GRB2: variants seen among roughly 807,000 people sequenced by gnomAD.
The protein encoded by GRB2 is growth factor receptor-bound protein 2.
GRB2 carries 2 observed loss-of-function variants against 27.4 expected under a neutral mutation model. The observed-to-expected ratio is 0.07, with a 90% CI of 0.03 to 0.23. The LOEUF (loss-of-function observed/expected upper bound fraction) is 0.23, where lower values mean the gene tolerates loss of function less well. GRB2 is among the 10% of genes least tolerant of loss of function. The pLI is 1.00. For missense variants in GRB2, 102 were observed against 282.4 expected, an observed-to-expected ratio of 0.36 and a Z score of 4.58; for synonymous variants, 94 against 99.6, an observed-to-expected ratio of 0.94 and a Z score of 0.33.
At chr17:75,394,461 TGTGTACCA>T (rs1168581813) in intron 1 of GRB2, 1 of 152,182 alleles carries the variant, frequency 6.6e-6, no homozygotes, top group East Asian at 1.9e-4. Context: ...AGCTCCAAGC[TGTGTACCA>T]GTGGAAATGG....
At chr17:75,326,110 T>C (rs1046628176) in intron 3 of GRB2, 90 bp from the exon 4 acceptor site, 137 of 1,480,674 alleles carry the variant, frequency 9.3e-5, no homozygotes, top group Admixed American at 4.2e-4. Flanking sequence ...ACAACACTCC[T>C]TGCCAGAGGA....
chr17:75,323,297 G>C (rs1280174097), intron 4 of GRB2, among the ~76,000 whole-genome samples: 2 of 151,966 alleles, frequency 1.3e-5, no homozygotes, highest in African/African-American at 4.8e-5. Flanking sequence ...CCTCGCATTT[G>C]GAAAAAATAC....
At chr17:75,402,017 G>A (rs191830038) in intron 1 of GRB2, among the ~76,000 whole-genome samples, 2 of 152,262 alleles carry the variant, frequency 1.3e-5, no homozygotes, top group East Asian at 3.9e-4. Flanking sequence ...TGAAAATATT[G>A]TTACATGGAA....
At chr17:75,371,381 A>T (rs531722718) in intron 2 of GRB2, 1 of 152,300 alleles carries the variant, frequency 6.6e-6, no homozygotes, top group Non-Finnish European at 1.5e-5. Flanking sequence ...ACCAAGCCTG[A>T]ACTCAGGCAG....
intron 2 of GRB2, among the ~76,000 whole-genome samples, chr17:75,337,396 G>GA: frequency 6.8e-6 from 1 of 147,990 alleles, no homozygotes; most frequent in Admixed American, 6.7e-5. Context: ...AAAAAAAAAA[G>GA]AAAGAAAAAG....
At chr17:75,336,146 T>G (rs2078575508) in intron 2 of GRB2, among the ~76,000 whole-genome samples, 1 of 152,228 alleles carries the variant, frequency 6.6e-6, no homozygotes, top group African/African-American at 2.4e-5. Flanking sequence ...AAATGTGGTC[T>G]AATAATGACC....
At chr17:75,345,362 A>T (rs2078648574) in intron 2 of GRB2, among the ~76,000 whole-genome samples, 1 of 152,126 alleles carries the variant, frequency 6.6e-6, no homozygotes, top group East Asian at 1.9e-4. Context: ...GAGTTTATTT[A>T]ATTCCACGTA....
At chr17:75,386,596 T>C (rs2078965230) in intron 2 of GRB2, among the ~76,000 whole-genome samples, 1 of 152,196 alleles carries the variant, frequency 6.6e-6, no homozygotes, top group Admixed American at 6.5e-5. Context: ...TCTTTGGTAA[T>C]CTGACATACA....
intron 2 of GRB2, among the ~76,000 whole-genome samples, chr17:75,353,004 T>C (rs1268590962): frequency 6.6e-6 from 1 of 151,064 alleles, no homozygotes; most frequent in Non-Finnish European, 1.5e-5. Flanking sequence ...GCTAACATAG[T>C]GAAACCCTGT....
intron 1 of GRB2, among the ~76,000 whole-genome samples, chr17:75,394,587 A>G (rs942831637): frequency 6.6e-6 from 1 of 152,218 alleles, no homozygotes; most frequent in Non-Finnish European, 1.5e-5. Flanking sequence ...CTCCAGAAAT[A>G]GCTCCACATT....
At chr17:75,384,972 G>T (rs934853702) in intron 2 of GRB2, among the ~76,000 whole-genome samples, 1 of 126,100 alleles carries the variant, frequency 7.9e-6, no homozygotes, top group Non-Finnish European at 1.6e-5. Flanking sequence ...CAGGCGGATC[G>T]CTTGAGCCCA....
At chr17:75,326,175 T>G in intron 3 of GRB2, 155 bp from the exon 4 acceptor site, 1 of 804,584 alleles carries the variant, frequency 1.2e-6, no homozygotes, top group Non-Finnish European at 2.0e-6. Context: ...GACACTGGGT[T>G]GGGTCCCCAG....
chr17:75,385,059 G>GCAAA (rs199796625), intron 2 of GRB2, among the ~76,000 whole-genome samples: 2 of 25,374 alleles, frequency 7.9e-5, no homozygotes, highest in Admixed American at 5.6e-4. Context: ...AAAAAAAAAA[G>GCAAA]CAAACAAACA....
At chr17:75,327,493 C>T (rs2078506992) in intron 3 of GRB2, among the ~76,000 whole-genome samples, 1 of 151,902 alleles carries the variant, frequency 6.6e-6, no homozygotes, top group African/African-American at 2.4e-5. Flanking sequence ...GCCTCAGCTT[C>T]CCTAGTAGCT....
At chr17:75,332,657 G>C (rs764507321) in intron 3 of GRB2, 43 bp downstream of exon 3, 1 of 1,072,528 alleles carries the variant, frequency 9.3e-7, no homozygotes, top group South Asian at 1.3e-5. Flanking sequence ...TTGAAACAAG[G>C]AGGTGGGTCC....
In GRB2 at chr17:75,334,179, A is replaced by AT. The variant is rs893138235; in HGVS notation, c.79-1383dup. 3.3e-4 allele frequency among the ~76,000 whole-genome samples: 50 copies of AT among 149,978 alleles called. 1 individual carries two copies. The highest frequency in any genetic ancestry group is 1.7e-3 in the South Asian group (8 of 4,718). On this transcript the variant is annotated intron_variant, in intron 2 of 5. Transcript: ENST00000316804. ...TATTTTTTTTTAGATTTATTTATTT[A>AT]TTTTTTTTTGAGACAGAGTCTCGCT...
intron 2 of GRB2, among the ~76,000 whole-genome samples, chr17:75,362,198 A>G (rs1046956486): frequency 2.6e-5 from 4 of 152,218 alleles, no homozygotes; most frequent in African/African-American, 7.2e-5. Context: ...ACAGGTCCTC[A>G]AAGGGGAGAG....
At chr17:75,383,063 T>C (rs1165062225) in intron 2 of GRB2, among the ~76,000 whole-genome samples, 2 of 151,720 alleles carry the variant, frequency 1.3e-5, no homozygotes, top group East Asian at 3.8e-4. Context: ...ATTCTCATTA[T>C]TGAGACTAGA....
intron 1 of GRB2, 144 bp from the exon 2 acceptor site, chr17:75,393,909 C>A (rs542197255): frequency 2.1e-6 from 1 of 486,996 alleles, no homozygotes; most frequent in Non-Finnish European, 3.6e-6. Context: ...AACAGCCCCC[C>A]CCCGCCGACT....
Sources: gnomAD v4.1 joint callset for allele counts (sites outside exome capture counted in the v4.1 genomes callset) on GRCh38, gnomAD v4.1.1 for gene constraint, MANE v1.5 for transcripts, NCBI Gene and HGNC (gene_info 2026-07-23, HGNC 2026-07-21) for gene names.